The following STXBP4 variants were observed in gnomAD, a reference collection of about 807,000 sequenced individuals.
The protein encoded by STXBP4 is syntaxin binding protein 4.
STXBP4 carries 55 observed loss-of-function variants against 76.1 expected under a neutral mutation model. The ratio of observed to expected loss-of-function variants is 0.72; its 90% CI spans 0.58 to 0.91. STXBP4 has a LOEUF of 0.91. STXBP4 is among the 40% of genes least tolerant of loss of function. The pLI is 0.00. For missense variants in STXBP4, 618 were observed against 636.9 expected (o/e 0.97, Z 0.32); for synonymous variants, 201 against 220.2 (o/e 0.91, Z 0.77).
At chr17:55,071,224 A>G (rs1358972985) in intron 12 of STXBP4, among the ~76,000 whole-genome samples, 1 of 152,030 alleles carries the variant, frequency 6.6e-6, no homozygotes, top group Non-Finnish European at 1.5e-5. Flanking sequence ...CCCTCCAATC[A>G]TTTCCCATCT....
Position 55,162,220 on chromosome 17 carries a change from C to CTTTT in STXBP4, c.*2310_*2311insTTTT, listed in dbSNP as rs1567788183. The CTTTT allele has an allele frequency of 6.6e-6, 1 of 152,128 alleles. No homozygotes were observed. The highest frequency in any genetic ancestry group is 1.5e-5 in the Non-Finnish European group (1 of 68,022). The allele number at this position is 152,128 out of a possible 1,614,324, so 9.4% of individuals were successfully genotyped here. On this transcript the variant is annotated 3_prime_UTR_variant, in exon 18 of 18. Coordinates refer to ENST00000376352, the MANE Select transcript of STXBP4 (RefSeq NM_178509.6). ...CATCAGGTCGGTGCCATAAGAGATG[C>CTTTT]TCAAAAAAGCATGGTCAGGGCTTAG...
intron 7 of STXBP4, 62 bp from the exon 8 acceptor site, chr17:55,007,444 G>C: frequency 6.8e-6 from 8 of 1,176,208 alleles, no homozygotes; most frequent in Non-Finnish European, 1.0e-5. Flanking sequence ...AACATATCCT[G>C]TCAAATAAAA....
chr17:55,052,033 T>C (rs2078865988), intron 12 of STXBP4, among the ~76,000 whole-genome samples: 1 of 152,164 alleles, frequency 6.6e-6, no homozygotes, highest in African/African-American at 2.4e-5. Flanking sequence ...CAAACCATCA[T>C]AAGTCAGGGA....
chr17:55,055,952 A>G (rs1232871698), intron 12 of STXBP4, among the ~76,000 whole-genome samples: 2 of 152,190 alleles, frequency 1.3e-5, no homozygotes, highest in Admixed American at 1.3e-4. Flanking sequence ...TTATCTTACA[A>G]CAATAGCTGT....
chr17:55,055,645 G>A (rs966144586), intron 12 of STXBP4, among the ~76,000 whole-genome samples: 2 of 152,156 alleles, frequency 1.3e-5, no homozygotes, highest in African/African-American at 2.4e-5. Context: ...CCAAGTAACT[G>A]TTAAAGCCTA....
chr17:55,039,755 A>G (rs939881920), intron 10 of STXBP4, among the ~76,000 whole-genome samples: 1 of 152,122 alleles, frequency 6.6e-6, no homozygotes, highest in Non-Finnish European at 1.5e-5. Flanking sequence ...AAAAAACTCA[A>G]AAGTTTTGTC....
chr17:55,086,327 A>G lies in STXBP4; in HGVS notation c.1489+5144A>G, dbSNP rs183924343. On this transcript the variant is annotated intron_variant, in intron 16 of 17. Transcript: ENST00000376352. Reference sequence around the variant, plus strand: ...ACATAGTGATATTTTGATACACATAATATACAATAGTCAGATAAGAGTAAC... The same window carrying G: ...ACATAGTGATATTTTGATACACATAGTATACAATAGTCAGATAAGAGTAAC... Among the ~76,000 whole-genome samples, 414 of 152,294 alleles carry G rather than the reference A, an allele frequency of 2.7e-3. 1 individual carries two copies. The highest frequency in any genetic ancestry group is 4.4e-3 in the Non-Finnish European group (301 of 68,010).
At chr17:54,991,630 G>T (rs922930495) in intron 4 of STXBP4, 17 of 151,510 alleles carry the variant, frequency 1.1e-4, no homozygotes, top group African/African-American at 4.1e-4. Context: ...TTTTACTAAA[G>T]TGATTATGTG....
At position 55,078,207 on chromosome 17, in the gene STXBP4, G is replaced by A. The variant is rs2079210751; in HGVS notation, c.1305+13G>A. ...TCATTTTGTAGAGGTAAGTTTTTCT[G>A]TTCTATTACATTCATCTTTAAAAAA... On this transcript the variant is annotated intron_variant, in intron 14 of 17. Coordinates refer to ENST00000376352, the MANE Select transcript of STXBP4 (RefSeq NM_178509.6). 3 of 1,537,288 alleles carry A rather than the reference G, an allele frequency of 2.0e-6. No homozygotes were observed. Among genetic ancestry groups the A allele is most frequent in the Middle Eastern group, 1.7e-4 (1 of 5,838 alleles).
At chr17:55,150,192 G>T (rs9903820) in intron 17 of STXBP4, among the ~76,000 whole-genome samples, 2 of 152,056 alleles carry the variant, frequency 1.3e-5, no homozygotes, top group African/African-American at 2.4e-5. Flanking sequence ...TAGGGCTGCC[G>T]TAACAAACCA....
intron 1 of STXBP4, among the ~76,000 whole-genome samples, chr17:54,970,622 A>G (rs1189843384): frequency 6.6e-6 from 1 of 152,206 alleles, no homozygotes; most frequent in Non-Finnish European, 1.5e-5. Flanking sequence ...CCAGATTCTC[A>G]GCTCTTCTAG....
intron 1 of STXBP4, among the ~76,000 whole-genome samples, chr17:54,976,732 A>C (rs1019680376): frequency 6.6e-6 from 1 of 152,172 alleles, no homozygotes; most frequent in Non-Finnish European, 1.5e-5. Context: ...AATTAGGCAT[A>C]TGAGTGGTCT....
chr17:54,983,632 T>C (rs1457322231), intron 1 of STXBP4, among the ~76,000 whole-genome samples: 1 of 150,702 alleles, frequency 6.6e-6, no homozygotes, highest in Non-Finnish European at 1.5e-5. Context: ...TTTTTACTTA[T>C]GTCTAGTACA....
Position 54,999,202 on chromosome 17 carries a change from T to G in STXBP4, c.181-143T>G. ...AAACCAGACTTTAATCAAGAGATTT[T>G]GCTACTGAGGTTGTCTAAGATTTTA... On this transcript the variant is annotated intron_variant, in intron 4 of 17. Coordinates refer to ENST00000376352, the MANE Select transcript of STXBP4 (RefSeq NM_178509.6). The G allele has an allele frequency of 6.7e-6, 4 of 596,818 alleles. No homozygotes were observed. In the East Asian group the frequency reaches 1.2e-4, roughly 17 times the overall value. 37.0% of individuals were successfully genotyped at this position (596,818 alleles called of 1,614,324 possible). A position where few individuals can be genotyped will look rare whatever the true frequency, so the allele number is the denominator to read the frequency against.
At chr17:55,026,329 GAA>G (rs2078414279) in intron 8 of STXBP4, among the ~76,000 whole-genome samples, 1 of 152,052 alleles carries the variant, frequency 6.6e-6, no homozygotes, top group Non-Finnish European at 1.5e-5. Flanking sequence ...TCATGAAAAA[GAA>G]AAAAGTTTTT....
At chr17:55,059,705 C>A (rs1051809827) in intron 12 of STXBP4, among the ~76,000 whole-genome samples, 2 of 150,926 alleles carry the variant, frequency 1.3e-5, no homozygotes, top group African/African-American at 4.9e-5. Flanking sequence ...GGTCTCATCC[C>A]AGATCTATAG....
intron 16 of STXBP4, among the ~76,000 whole-genome samples, chr17:55,116,090 C>A (rs2079777234): frequency 6.6e-6 from 1 of 151,740 alleles, no homozygotes; most frequent in African/African-American, 2.4e-5. Flanking sequence ...AATATCTGAG[C>A]TACTTATGTC....
intron 8 of STXBP4, among the ~76,000 whole-genome samples, chr17:55,023,690 GA>G (rs747622483): frequency 3.3e-5 from 5 of 151,052 alleles, no homozygotes; most frequent in East Asian, 3.9e-4. Flanking sequence ...TAGGAAGGAA[GA>G]AAAAAAAGAA....
intron 16 of STXBP4, among the ~76,000 whole-genome samples, chr17:55,111,798 T>C (rs953734859): frequency 6.6e-6 from 1 of 152,216 alleles, no homozygotes; most frequent in African/African-American, 2.4e-5. Context: ...CAGGTATTCC[T>C]TTATAGCAAC....
Sources: gnomAD v4.1 joint callset for allele counts (sites outside exome capture counted in the v4.1 genomes callset) on GRCh38, gnomAD v4.1.1 for gene constraint, MANE v1.5 for transcripts, NCBI Gene and HGNC (gene_info 2026-07-23, HGNC 2026-07-21) for gene names.